FRMPD3: variants seen among roughly 807,000 people sequenced by gnomAD.
FRMPD3 encodes the protein FERM and PDZ domain-containing protein 3.
A neutral mutation model predicts 97.9 loss-of-function variants in FRMPD3; 42 were observed. That is an observed-to-expected ratio of 0.43 (90% CI 0.34 to 0.55). The LOEUF (loss-of-function observed/expected upper bound fraction) is 0.55. Ranked by LOEUF, FRMPD3 falls within the 20% of genes least tolerant of loss-of-function variation. The pLI, the probability that FRMPD3 is intolerant of heterozygous loss-of-function variation, is 0.03. For missense variants in FRMPD3, 1,303 were observed against 1,457.7 expected (o/e 0.89, Z 1.73); for synonymous variants, 577 against 581.1 (o/e 0.99, Z 0.10).
chrX:107,594,752 A>G (rs1225563147), intron 13 of FRMPD3, among the ~76,000 whole-genome samples: 1 of 111,287 alleles, frequency 9.0e-6, no homozygotes. Flanking sequence ...ATGGTGGCAC[A>G]TGCTTATAAT....
chrX:107,498,609 GGGAA>G lies in FRMPD3; in HGVS notation c.-7-27967_-7-27964del, dbSNP rs757679951. 2.7e-5 allele frequency among the ~76,000 whole-genome samples: 3 copies of G among 111,718 alleles called. No homozygotes were observed. The East Asian group carries it at 8.4e-4, about 31-fold the overall frequency. On this transcript the variant is annotated intron_variant, in intron 1 of 14. Coordinates refer to ENST00000683843, the MANE Select transcript of FRMPD3 (RefSeq NM_001388459.1). ...GAGGCATTGGAGATCCAGATATTTT[GGGAA>G]GGAAGACCTAGTGAGAGAGTAGAGC...
In FRMPD3 at chrX:107,522,325, C is replaced by A. The variant is rs1197982750; in HGVS notation, c.-7-4257C>A. The A allele has an allele frequency of 1.4e-5, 7 of 507,547 alleles. No individual in the cohort carries two copies. In the Admixed American group the frequency reaches 1.6e-4, roughly 12 times the overall value. 41.8% of individuals were successfully genotyped at this position (507,547 alleles called of 1,213,427 possible). ...CTAAGTGCTTCTGTAACCATGATCT[C>A]ATTTCATTCTCCCAACAACACGGAG... On this transcript the variant is annotated intron_variant, in intron 1 of 14. Transcript: ENST00000683843.
chrX:107,463,400 A>G (rs897821828), intron 1 of FRMPD3, among the ~76,000 whole-genome samples: 3 of 112,543 alleles, frequency 2.7e-5, no homozygotes, highest in Admixed American at 9.4e-5. Flanking sequence ...AGTCAATGAA[A>G]TGCAGTACTA....
At chrX:107,564,286 T>C (rs1268960986) in intron 11 of FRMPD3, among the ~76,000 whole-genome samples, 1 of 112,610 alleles carries the variant, frequency 8.9e-6, no homozygotes, top group Non-Finnish European at 1.9e-5. Context: ...CTGCTAAAAT[T>C]TCTATTGGCC....
At chrX:107,499,183 C>G (rs1921845884) in intron 1 of FRMPD3, among the ~76,000 whole-genome samples, 1 of 111,849 alleles carries the variant, frequency 8.9e-6, no homozygotes, top group South Asian at 3.8e-4. Context: ...ATTAACTCTG[C>G]CTAAGGAGGC....
At chrX:107,522,521 T>C (rs764922224) in intron 1 of FRMPD3, 1 of 520,967 alleles carries the variant, frequency 1.9e-6, no homozygotes, top group African/African-American at 2.3e-5. Context: ...CAATTGTGGG[T>C]CCTAGCATAG....
In FRMPD3 at chrX:107,597,823, G is replaced by C. The variant is rs1311004849; in HGVS notation, c.1944G>C (p.Gly648=). The C allele has an allele frequency of 8.4e-7, 1 of 1,185,614 alleles. No individual in the cohort carries two copies. Among genetic ancestry groups the C allele is most frequent in the Non-Finnish European group, 1.1e-6 (1 of 883,188 alleles). The change falls in exon 14 of 15, where the codon GGG becomes GGC. Residue 648 remains glycine (G), a synonymous_variant. Coordinates refer to ENST00000683843, the MANE Select transcript of FRMPD3 (RefSeq NM_001388459.1). Reference sequence around the variant, plus strand: ...ATTTGATGTCCCTCCCACCACCTGGGAGTGAGGAGGAGGAGGAGGAGGAAG... The same window carrying C: ...ATTTGATGTCCCTCCCACCACCTGGCAGTGAGGAGGAGGAGGAGGAGGAAG... ...IVDLMSLPPP[G]SEEEEEEEDE... is the part of the protein sequence containing the mutation.
intron 1 of FRMPD3, among the ~76,000 whole-genome samples, chrX:107,490,872 C>T (rs1338041159): frequency 8.9e-6 from 1 of 111,957 alleles, no homozygotes; most frequent in East Asian, 2.8e-4. Context: ...AACTTTCCTT[C>T]CTGGAGCTCT....
At chrX:107,462,295 G>C (rs1931491930) in intron 1 of FRMPD3, among the ~76,000 whole-genome samples, 1 of 111,767 alleles carries the variant, frequency 8.9e-6, no homozygotes, top group Non-Finnish European at 1.9e-5. Context: ...TCCCCAGCTA[G>C]AGAGTGAACT....
At chrX:107,517,379 A>T (rs956091755) in intron 1 of FRMPD3, among the ~76,000 whole-genome samples, 3 of 112,072 alleles carry the variant, frequency 2.7e-5, no homozygotes, top group Non-Finnish European at 5.6e-5. Context: ...TGAGGTCGTC[A>T]GCTGAGATTT....
chrX:107,533,474 A>G (rs752980618), intron 3 of FRMPD3, 31 bp from the exon 4 acceptor site: 2 of 1,173,346 alleles, frequency 1.7e-6, no homozygotes, highest in African/African-American at 3.5e-5. Flanking sequence ...TGCATGATAC[A>G]CTACTCTCCT....
intron 13 of FRMPD3, among the ~76,000 whole-genome samples, chrX:107,579,860 T>C (rs770328171): frequency 8.9e-6 from 1 of 111,863 alleles, no homozygotes; most frequent in South Asian, 3.7e-4. Context: ...GTCTGATGAA[T>C]TGAATATTTT....
At chrX:107,459,337 C>T (rs1931426875) in intron 1 of FRMPD3, among the ~76,000 whole-genome samples, 2 of 112,389 alleles carry the variant, frequency 1.8e-5, no homozygotes, top group African/African-American at 3.2e-5. Flanking sequence ...CTCTTCTGAG[C>T]ACTTGGGAAT....
rs773628279 is a variant in FRMPD3 at position 107,603,528 on chromosome X, G to A, written c.*155G>A. ...GGGGAGTGGAAACTCTCTTGATTGA[G>A]GCTCTCTCTTAAGGGCTGCAGGCTT... is the stretch of plus-strand genomic sequence containing the variant. On this transcript the variant is annotated 3_prime_UTR_variant, in exon 15 of 15. Coordinates refer to ENST00000683843, the MANE Select transcript of FRMPD3 (RefSeq NM_001388459.1). The A allele has an allele frequency of 5.1e-5, 54 of 1,048,762 alleles. No individual in the cohort carries two copies. Among genetic ancestry groups the A allele is most frequent in the Middle Eastern group, 2.6e-4 (1 of 3,880 alleles). The allele number at this position is 1,048,762 out of a possible 1,213,427, so 86.4% of individuals were successfully genotyped here. A position where few individuals can be genotyped will look rare whatever the true frequency, so the allele number is the denominator to read the frequency against.
At chrX:107,490,148 A>T (rs1013168712) in intron 1 of FRMPD3, among the ~76,000 whole-genome samples, 3 of 111,997 alleles carry the variant, frequency 2.7e-5, no homozygotes, top group Non-Finnish European at 3.8e-5. Flanking sequence ...AGATGGTTGT[A>T]GATATGCGGC....
intron 1 of FRMPD3, among the ~76,000 whole-genome samples, chrX:107,514,657 C>T (rs1922259914): frequency 9.2e-6 from 1 of 109,195 alleles, no homozygotes; most frequent in Non-Finnish European, 1.9e-5. Flanking sequence ...TCCCGAGTAG[C>T]TGGGATTACA....
chrX:107,527,189 C>T (rs1180814591), intron 2 of FRMPD3, among the ~76,000 whole-genome samples: 1 of 111,941 alleles, frequency 8.9e-6, no homozygotes, highest in Non-Finnish European at 1.9e-5. Flanking sequence ...ACTCATGAAA[C>T]AGGTCAGCCA....
chrX:107,450,887 C>T (rs1203884008), intron 1 of FRMPD3, among the ~76,000 whole-genome samples: 2 of 103,584 alleles, frequency 1.9e-5, no homozygotes, highest in Non-Finnish European at 3.9e-5. Context: ...CACCCAGCAA[C>T]CCCCCGTCAC....
At chrX:107,576,934 C>A (rs1923144132) in intron 13 of FRMPD3, among the ~76,000 whole-genome samples, 1 of 110,155 alleles carries the variant, frequency 9.1e-6, no homozygotes, top group South Asian at 3.9e-4. Context: ...CTCCCCAACC[C>A]CAGCACCCAG....
Sources: gnomAD v4.1 joint callset for allele counts (sites outside exome capture counted in the v4.1 genomes callset) on GRCh38, gnomAD v4.1.1 for gene constraint, MANE v1.5 for transcripts, NCBI Gene and HGNC (gene_info 2026-07-23, HGNC 2026-07-21) for gene names.